The following HDAC5 variants were observed in gnomAD, a reference collection of about 807,000 sequenced individuals.
HDAC5 encodes the protein histone deacetylase 5.
A neutral mutation model predicts 133.3 loss-of-function variants in HDAC5; 25 were observed. The ratio of observed to expected loss-of-function variants is 0.19; its 90% confidence interval spans 0.14 to 0.26. HDAC5 has a LOEUF of 0.26. HDAC5 is among the 10% of genes least tolerant of loss of function. The probability of loss-of-function intolerance (pLI) is 1.00; values close to 1 mark genes in which losing one functional copy is unlikely to be tolerated. For missense variants in HDAC5, 1,041 were observed against 1,460.5 expected (o/e 0.71, Z 4.68); for synonymous variants, 589 against 610.8 (o/e 0.96, Z 0.53).
At chr17:44,116,351 C>T (rs2052644609) in intron 2 of HDAC5, among the ~76,000 whole-genome samples, 1 of 152,228 alleles carries the variant, frequency 6.6e-6, no homozygotes, top group Non-Finnish European at 1.5e-5. Flanking sequence ...CAGAGCTGGG[C>T]AGCCCACCTG....
At position 44,123,623 on chromosome 17, in the gene HDAC5, C is replaced by A; in HGVS notation, c.-309G>T. ...CGGCGGCTCCTCCGGCTCCGCTCGCCGCCGCCACCAACAACAACATTCGGA... is the reference window on the plus strand; with the variant it reads ...CGGCGGCTCCTCCGGCTCCGCTCGCAGCCGCCACCAACAACAACATTCGGA... On this transcript the variant is annotated 5_prime_UTR_variant, in exon 1 of 27. Transcript: ENST00000682912. 5.0e-6 allele frequency: 2 copies of A among 396,714 alleles called. No individual in the cohort carries two copies. Among genetic ancestry groups the A allele is most frequent in the Middle Eastern group, 6.2e-4 (1 of 1,608 alleles). 24.6% of individuals were successfully genotyped at this position (396,714 alleles called of 1,614,324 possible).
chr17:44,083,565 C>T lies in HDAC5; in HGVS notation c.2443G>A (p.Val815Met), dbSNP rs1292210814. 6.2e-7 allele frequency: 1 copy of T among 1,613,828 alleles called. No individual in the cohort carries two copies. The highest frequency in any genetic ancestry group is 2.2e-5 in the East Asian group (1 of 44,888). Residue 815 changes from valine to methionine, a missense_variant, in exon 18 of 27, where the codon GTG becomes ATG. Transcript: ENST00000682912. ...VGCLLELAFKVAAGELKNGFA... is the reference protein window; with the variant it reads ...VGCLLELAFKMAAGELKNGFA... The stretch of plus-strand genomic sequence containing the variant: ...CTCACCTTGAGCTCTCCTGCAGCCA[C>T]CTTGAAGGCCAGCTCCAGCAGGCAG...
chr17:44,098,790 G>C (rs913119952), intron 3 of HDAC5, among the ~76,000 whole-genome samples: 1 of 150,406 alleles, frequency 6.6e-6, no homozygotes, highest in East Asian at 2.0e-4. Flanking sequence ...TCCCTAAGAG[G>C]ACAGGCCAAG....
At chr17:44,101,691 GCAGATGATC>G (rs1225314703) in intron 3 of HDAC5, among the ~76,000 whole-genome samples, 3 of 152,290 alleles carry the variant, frequency 2.0e-5, no homozygotes, top group African/African-American at 7.2e-5. Flanking sequence ...AGGCTGCTCT[GCAGATGATC>G]CTACCAGCTA....
intron 1 of HDAC5, among the ~76,000 whole-genome samples, chr17:44,121,811 G>A (rs2143688445): frequency 6.6e-6 from 1 of 152,254 alleles, no homozygotes; most frequent in South Asian, 2.1e-4. Flanking sequence ...TATTGGAAAA[G>A]AAGGGGAGGC....
intron 3 of HDAC5, among the ~76,000 whole-genome samples, chr17:44,109,860 G>T (rs2052225716): frequency 6.6e-6 from 1 of 152,260 alleles, no homozygotes. Flanking sequence ...GGGTCCAGCA[G>T]GCCCCTCCCT....
chr17:44,111,623 G>A, intron 2 of HDAC5: 1 of 518,086 alleles, frequency 1.9e-6, no homozygotes, highest in Non-Finnish European at 3.8e-6. Flanking sequence ...GGAGAGGCTG[G>A]CACACAGGCA....
chr17:44,107,231 T>TA (rs1384516967), intron 3 of HDAC5, among the ~76,000 whole-genome samples: 2 of 152,090 alleles, frequency 1.3e-5, no homozygotes, highest in Non-Finnish European at 2.9e-5. Flanking sequence ...GGATTACAGG[T>TA]ATGAGCTACC....
Position 44,084,536 on chromosome 17 carries a change from C to T in HDAC5, c.2305+19G>A. On this transcript the variant is annotated intron_variant, in intron 16 of 26. Coordinates refer to ENST00000682912, the MANE Select transcript of HDAC5 (RefSeq NM_005474.5). Reference sequence around the variant, plus strand: ...CTGACACTGAACATGCCTGCCCGCCCACCCATGTGCCAGCTCACCGAGCAA... The same window carrying T: ...CTGACACTGAACATGCCTGCCCGCCTACCCATGTGCCAGCTCACCGAGCAA... 2 of 1,613,652 alleles carry T rather than the reference C, an allele frequency of 1.2e-6. No individual in the cohort carries two copies. Among genetic ancestry groups the T allele is most frequent in the Non-Finnish European group, 1.7e-6 (2 of 1,179,666 alleles).
At chr17:44,110,610 A>G (rs1423286793) in intron 3 of HDAC5, 119 bp downstream of exon 3, 3 of 806,244 alleles carry the variant, frequency 3.7e-6, no homozygotes, top group East Asian at 2.7e-5. Context: ...TATTCTCAAC[A>G]AAACTCTCAA....
intron 21 of HDAC5, 55 bp downstream of exon 21, chr17:44,080,708 T>G: frequency 6.2e-7 from 1 of 1,612,318 alleles, no homozygotes; most frequent in Non-Finnish European, 8.5e-7. Context: ...CAGGTCCCAT[T>G]GTGCCACCTC....
In HDAC5 at chr17:44,087,574, C is replaced by T. The variant is rs1392649727; in HGVS notation, c.1722G>A (p.Glu574=). ...LGEGALTMPR[E]GSTESESTQE... ...GTGTGCTCTCACTCTCTGTGGAGCC[C>T]TCCCGGGGCATGGTCAGGGCTCCCT... is the stretch of plus-strand genomic sequence containing the variant. Residue 574 remains glutamate (E), a synonymous_variant, in exon 13 of 27, where the codon GAG becomes GAA. Coordinates refer to ENST00000682912, the MANE Select transcript of HDAC5 (RefSeq NM_005474.5). 7 of 1,614,028 alleles carry T rather than the reference C, an allele frequency of 4.3e-6. No homozygotes were observed. The highest frequency in any genetic ancestry group is 5.9e-6 in the Non-Finnish European group (7 of 1,180,014).
intron 6 of HDAC5, 53 bp from the exon 7 acceptor site, chr17:44,092,859 T>C: frequency 2.7e-6 from 2 of 741,678 alleles, no homozygotes; most frequent in Non-Finnish European, 4.4e-6. Flanking sequence ...TCACCCAGTC[T>C]GCTGGACCTG....
At chr17:44,108,822 C>T (rs1261906065) in intron 3 of HDAC5, among the ~76,000 whole-genome samples, 1 of 151,670 alleles carries the variant, frequency 6.6e-6, no homozygotes, top group Non-Finnish European at 1.5e-5. Context: ...TGTCCCTAGC[C>T]GCGTCACAGA....
intron 2 of HDAC5, 101 bp from the exon 3 acceptor site, chr17:44,110,901 G>A (rs747470480): frequency 8.0e-6 from 8 of 1,004,550 alleles, no homozygotes; most frequent in East Asian, 7.7e-5. Context: ...GGCCGCCAGA[G>A]GCGGGGAGCA....
Position 44,083,666 on chromosome 17 carries a change from G to A in HDAC5, c.2356-14C>T, listed in dbSNP as rs191682299. 1.4e-5 allele frequency: 22 copies of A among 1,608,976 alleles called. No homozygotes were observed. In the East Asian group the frequency reaches 2.7e-4, roughly 20 times the overall value. On this transcript the variant is annotated splice_polypyrimidine_tract_variant and intron_variant, in intron 17 of 26. Coordinates refer to ENST00000682912, the MANE Select transcript of HDAC5 (RefSeq NM_005474.5). ...GTCACTGTCCACCTGCAGGGCAGGA[G>A]AGCAGGTTTCAGTGTGCCCCCTGCA...
chr17:44,108,213 CT>C (rs918749126), intron 3 of HDAC5, among the ~76,000 whole-genome samples: 22 of 152,172 alleles, frequency 1.4e-4, no homozygotes, highest in Non-Finnish European at 2.2e-4. Context: ...CAGACTGCCC[CT>C]GTCCTTCGGT....
At chr17:44,106,292 G>A (rs1380856620) in intron 3 of HDAC5, among the ~76,000 whole-genome samples, 1 of 152,164 alleles carries the variant, frequency 6.6e-6, no homozygotes, top group African/African-American at 2.4e-5. Context: ...TCCCCTCAGG[G>A]AGAAAGATCA....
intron 2 of HDAC5, 90 bp from the exon 3 acceptor site, chr17:44,110,890 G>C: frequency 8.8e-7 from 1 of 1,141,614 alleles, no homozygotes; most frequent in Non-Finnish European, 1.3e-6. Context: ...GCCAGGGAGG[G>C]GGCCGCCAGA....
Sources: gnomAD v4.1 joint callset for allele counts (sites outside exome capture counted in the v4.1 genomes callset) on GRCh38, gnomAD v4.1.1 for gene constraint, MANE v1.5 for transcripts, NCBI Gene and HGNC (gene_info 2026-07-23, HGNC 2026-07-21) for gene names.